CNTN5: variants seen among roughly 807,000 people sequenced by gnomAD.
The protein encoded by CNTN5 is contactin-5.
CNTN5 carries 77 observed loss-of-function variants against 129.1 expected under a neutral mutation model. The observed-to-expected ratio is 0.60, with a 90% CI of 0.50 to 0.72. The LOEUF (loss-of-function observed/expected upper bound fraction) is 0.72, where lower values mean the gene tolerates loss of function less well. Ranked by LOEUF, CNTN5 falls within the 30% of genes least tolerant of loss-of-function variation. The probability of loss-of-function intolerance (pLI) is 0.00; values close to 1 mark genes in which losing one functional copy is unlikely to be tolerated. For synonymous variants in CNTN5, 509 were observed against 465.6 expected (o/e 1.09, Z -1.20); for missense variants, 1,478 against 1,328.8 (o/e 1.11, Z -1.75).
At chr11:99,142,127 G>T (rs567738668) in intron 1 of CNTN5, among the ~76,000 whole-genome samples, 4 of 152,276 alleles carry the variant, frequency 2.6e-5, no homozygotes, top group African/African-American at 7.2e-5. Context: ...ACCCTGGCAG[G>T]CTGGGACCAG....
At chr11:100,315,842 G>A (rs967549751) in intron 21 of CNTN5, among the ~76,000 whole-genome samples, 7 of 152,022 alleles carry the variant, frequency 4.6e-5, no homozygotes, top group Admixed American at 6.6e-5. Flanking sequence ...ATGGTAGCAG[G>A]GACTAAATGT....
At position 99,970,705 on chromosome 11, in the gene CNTN5, C is replaced by G. The variant is rs573960357; in HGVS notation, c.877+13696C>G. Among the ~76,000 whole-genome samples the G allele has an allele frequency of 6.6e-5, 10 of 152,246 alleles. No individual in the cohort carries two copies. The South Asian group carries it at 2.1e-3, about 32-fold the overall frequency. On this transcript the variant is annotated intron_variant, in intron 8 of 24. Coordinates refer to ENST00000524871, the MANE Select transcript of CNTN5 (RefSeq NM_014361.4). Reference sequence around the variant, plus strand: ...GGTGCGGGGGTATTGCAGTCAGAAACTACTTTTCTAGATGATTGGTAATAT... The same window carrying G: ...GGTGCGGGGGTATTGCAGTCAGAAAGTACTTTTCTAGATGATTGGTAATAT...
chr11:99,720,505 T>C (rs1943137078), intron 3 of CNTN5, among the ~76,000 whole-genome samples: 1 of 152,084 alleles, frequency 6.6e-6, no homozygotes, highest in African/African-American at 2.4e-5. Context: ...TGAAAGAACG[T>C]AACTCAAAAA....
chr11:100,310,622 A>C (rs1304323636), intron 21 of CNTN5, among the ~76,000 whole-genome samples: 13 of 151,966 alleles, frequency 8.6e-5, no homozygotes, highest in Admixed American at 8.5e-4. Flanking sequence ...AAATAAGCGC[A>C]TGATTTTTTA....
chr11:99,028,593 T>C (rs1863214382), intron 1 of CNTN5, among the ~76,000 whole-genome samples: 1 of 151,906 alleles, frequency 6.6e-6, no homozygotes, highest in Non-Finnish European at 1.5e-5. Context: ...GTGACTTTGG[T>C]TCCAAGATTC....
rs556797739 is a variant in CNTN5 at position 99,692,196 on chromosome 11, C to T, written c.56-127348C>T. 1.9e-3 allele frequency among the ~76,000 whole-genome samples: 289 copies of T among 152,188 alleles called. 1 individual carries two copies. The highest frequency in any genetic ancestry group is 6.5e-3 in the African/African-American group (270 of 41,552). On this transcript the variant is annotated intron_variant, in intron 3 of 24. Coordinates refer to ENST00000524871, the MANE Select transcript of CNTN5 (RefSeq NM_014361.4). ...GAATGGTTCGTGGTTCTTTATCCAA[C>T]GTGCCACTCTGTGTCTTTTAATTGG...
chr11:99,796,111 CTCAA>C (rs1478428573), intron 3 of CNTN5, among the ~76,000 whole-genome samples: 1 of 152,130 alleles, frequency 6.6e-6, no homozygotes, highest in Non-Finnish European at 1.5e-5. Context: ...CATCTGTGCA[CTCAA>C]TCACACTGCT....
At chr11:99,045,337 A>G (rs1254096639) in intron 1 of CNTN5, among the ~76,000 whole-genome samples, 5 of 152,250 alleles carry the variant, frequency 3.3e-5, no homozygotes, top group Non-Finnish European at 7.3e-5. Context: ...CATGCCTGAT[A>G]GCATGCTAAA....
intron 15 of CNTN5, among the ~76,000 whole-genome samples, chr11:100,209,311 A>T (rs1186863471): frequency 6.6e-6 from 1 of 152,180 alleles, no homozygotes; most frequent in Non-Finnish European, 1.5e-5. Flanking sequence ...GTACAACCCT[A>T]AAAGTCAACA....
At chr11:99,298,125 A>T (rs1199127429) in intron 1 of CNTN5, among the ~76,000 whole-genome samples, 1 of 152,128 alleles carries the variant, frequency 6.6e-6, no homozygotes, top group Non-Finnish European at 1.5e-5. Context: ...GTGTTCACTC[A>T]GTGCTCCTAG....
At chr11:100,143,931 A>G (rs1457152541) in intron 13 of CNTN5, among the ~76,000 whole-genome samples, 7 of 152,110 alleles carry the variant, frequency 4.6e-5, no homozygotes, top group Admixed American at 3.9e-4. Context: ...TATTATCCAG[A>G]TGATTCTCAT....
At chr11:99,875,388 C>G (rs1232297508) in intron 6 of CNTN5, among the ~76,000 whole-genome samples, 5 of 152,134 alleles carry the variant, frequency 3.3e-5, no homozygotes, top group African/African-American at 1.2e-4. Flanking sequence ...TTAAAACACT[C>G]TTCATACTTA....
At chr11:100,286,778 G>A (rs1215650059) in intron 18 of CNTN5, among the ~76,000 whole-genome samples, 3 of 148,340 alleles carry the variant, frequency 2.0e-5, no homozygotes, top group Admixed American at 6.7e-5. Context: ...TGAGCTGAGA[G>A]AAGAAGGCTT....
intron 3 of CNTN5, among the ~76,000 whole-genome samples, chr11:99,647,766 T>G (rs558450831): frequency 3.3e-5 from 5 of 151,966 alleles, no homozygotes; most frequent in South Asian, 4.1e-4. Context: ...CCTCCATCAT[T>G]AAATTTATTC....
chr11:99,715,869 G>T (rs1296197063), intron 3 of CNTN5, among the ~76,000 whole-genome samples: 1 of 151,622 alleles, frequency 6.6e-6, no homozygotes, highest in Admixed American at 6.6e-5. Context: ...TTAAGCAAAG[G>T]TTTATCTAAA....
intron 1 of CNTN5, among the ~76,000 whole-genome samples, chr11:99,032,040 G>A (rs1386647183): frequency 6.6e-6 from 1 of 151,202 alleles, no homozygotes; most frequent in Non-Finnish European, 1.5e-5. Flanking sequence ...TCTTGCGATA[G>A]TTTACTGAGA....
In CNTN5 at chr11:99,382,844, A is replaced by AGTTTTTTTTTTTTTTTTTTTTTTT. The variant is rs774797660; in HGVS notation, c.-71+57360_-71+57361insGTTTTTTTTTTTTTTTTTTTTTTT. On this transcript the variant is annotated intron_variant, in intron 2 of 24. Transcript: ENST00000524871. ...CACATCTCACTAGTGTCTCTAAATAACTTTTTTTTTTTTTTTTTTTTTTTT... is the reference window on the plus strand; with the variant it reads ...CACATCTCACTAGTGTCTCTAAATAAGTTTTTTTTTTTTTTTTTTTTTTTCTTTTTTTTTTTTTTTTTTTTTTTT... 1.4e-4 allele frequency among the ~76,000 whole-genome samples: 10 copies of AGTTTTTTTTTTTTTTTTTTTTTTT among 69,402 alleles called. 2 individuals are homozygous for AGTTTTTTTTTTTTTTTTTTTTTTT. Among genetic ancestry groups the AGTTTTTTTTTTTTTTTTTTTTTTT allele is most frequent in the Non-Finnish European group, 1.7e-4 (7 of 42,160 alleles). 45.5% of individuals were successfully genotyped at this position (69,402 alleles called of 152,430 possible). A position where few individuals can be genotyped will look rare whatever the true frequency, so the allele number is the denominator to read the frequency against.
At chr11:100,204,686 T>G (rs1447685110) in intron 15 of CNTN5, among the ~76,000 whole-genome samples, 1 of 147,792 alleles carries the variant, frequency 6.8e-6, no homozygotes, top group African/African-American at 2.4e-5. Context: ...TTTATTCATT[T>G]TACTTCACAT....
intron 3 of CNTN5, among the ~76,000 whole-genome samples, chr11:99,709,732 T>C (rs957093796): frequency 2.6e-5 from 4 of 151,828 alleles, no homozygotes; most frequent in Non-Finnish European, 5.9e-5. Flanking sequence ...TGAAAAGGAT[T>C]CATTAAGGTA....
Sources: gnomAD v4.1 joint callset for allele counts (sites outside exome capture counted in the v4.1 genomes callset) on GRCh38, gnomAD v4.1.1 for gene constraint, MANE v1.5 for transcripts, NCBI Gene and HGNC (gene_info 2026-07-23, HGNC 2026-07-21) for gene names.